The following SLIT1 variants were observed in gnomAD, a reference collection of about 807,000 sequenced individuals.
The protein encoded by SLIT1 is slit homolog 1 protein.
In SLIT1, 66 loss-of-function variants were observed where a neutral mutation model predicts 186.1. The observed-to-expected ratio is 0.35, with a 90% confidence interval of 0.29 to 0.44. The LOEUF is 0.44. SLIT1 is among the 20% of genes least tolerant of loss of function. The pLI is 1.00. For synonymous variants in SLIT1, 761 were observed against 833.8 expected (o/e 0.91, Z 1.50); for missense variants, 1,638 against 2,037.4 (o/e 0.80, Z 3.77).
Position 97,001,233 on chromosome 10 carries a change from T to G in SLIT1, c.4484A>C (p.Gln1495Pro). Reference sequence around the variant, plus strand: ...CAGCCGAAGGCCCTGGCAGCAGCCCTGGCCTGGGCACGAGCCCCGGCACTC... The same window carrying G: ...CAGCCGAAGGCCCTGGCAGCAGCCCGGGCCTGGGCACGAGCCCCGGCACTC... ...WVECRGSCPG[Q>P]GCCQGLRLKR... The change falls in exon 37 of 37, where the codon CAG (glutamine) becomes CCG (proline). Residue 1495 changes from glutamine to proline, a missense_variant. Transcript: ENST00000266058. 6.2e-7 allele frequency: 1 copy of G among 1,613,132 alleles called. No homozygotes were observed. Among genetic ancestry groups the G allele is most frequent in the Non-Finnish European group, 8.5e-7 (1 of 1,179,914 alleles).
chr10:97,055,963 A>T (rs1848832433), intron 13 of SLIT1, among the ~76,000 whole-genome samples: 1 of 152,226 alleles, frequency 6.6e-6, no homozygotes, highest in Non-Finnish European at 1.5e-5. Context: ...TATCATCATC[A>T]TCACCATCAA....
intron 4 of SLIT1, among the ~76,000 whole-genome samples, chr10:97,084,110 G>T (rs1166750087): frequency 6.6e-6 from 1 of 152,230 alleles, no homozygotes; most frequent in Non-Finnish European, 1.5e-5. Context: ...AATTCTGGGG[G>T]AGACAGGCAG....
chr10:97,139,570 T>C (rs915625977), intron 4 of SLIT1, among the ~76,000 whole-genome samples: 2 of 152,178 alleles, frequency 1.3e-5, no homozygotes, highest in African/African-American at 4.8e-5. Context: ...AAGCACACTA[T>C]CCTGAACTCT....
chr10:97,007,374 A>C (rs1264540581), intron 31 of SLIT1, among the ~76,000 whole-genome samples: 1 of 152,230 alleles, frequency 6.6e-6, no homozygotes, highest in Non-Finnish European at 1.5e-5. Flanking sequence ...AAAAACAATA[A>C]ATACCAATTC....
intron 4 of SLIT1, among the ~76,000 whole-genome samples, chr10:97,132,661 C>A (rs1411123471): frequency 6.6e-6 from 1 of 152,150 alleles, no homozygotes; most frequent in Non-Finnish European, 1.5e-5. Flanking sequence ...GGTCAGCCAC[C>A]CCCATTTTTC....
At chr10:97,108,681 A>G (rs1849436435) in intron 4 of SLIT1, among the ~76,000 whole-genome samples, 1 of 152,180 alleles carries the variant, frequency 6.6e-6, no homozygotes. Flanking sequence ...CAAGGTCAGC[A>G]GATCAAGACC....
In SLIT1 at chr10:97,184,691, T is replaced by A. The variant is rs1015291055; in HGVS notation, c.197+787A>T. Among the ~76,000 whole-genome samples, 7 of 152,282 alleles carry A rather than the reference T, an allele frequency of 4.6e-5. No homozygotes were observed. The East Asian group carries it at 1.4e-3, about 29-fold the overall frequency. On this transcript the variant is annotated intron_variant, in intron 1 of 36. Coordinates refer to ENST00000266058, the MANE Select transcript of SLIT1 (RefSeq NM_003061.3). The surrounding 1 kb of genome is among the most constrained non-coding windows in gnomAD (Gnocchi z 4.4). Reference sequence around the variant, plus strand: ...ACAGAACAGGGGAAGAGAAATGCTATTTTTTTATTACTTGTCATGGTCAAT... The same window carrying A: ...ACAGAACAGGGGAAGAGAAATGCTAATTTTTTATTACTTGTCATGGTCAAT...
rs1848318582 is a variant in SLIT1 at position 97,002,348 on chromosome 10, C to T, written c.4176G>A (p.Val1392=). The part of the protein sequence containing the change: ...HGHKCVHGQC[V]PLDALSYSCQ... ...AGCTGTAGGAAAGAGCGTCGAGGGG[C>T]ACGCATTGCCCATGGACACACCTGG... Residue 1392 remains valine, a synonymous_variant, in exon 36 of 37, where the codon GTG becomes GTA. Coordinates refer to ENST00000266058, the MANE Select transcript of SLIT1 (RefSeq NM_003061.3). The T allele has an allele frequency of 1.9e-6, 3 of 1,607,788 alleles. No homozygotes were observed. The highest frequency in any genetic ancestry group is 2.5e-6 in the Non-Finnish European group (3 of 1,178,472).
rs893153649 is a variant in SLIT1, at chr10:97,178,775, AAGAG to A, written c.197+6699_197+6702del. 3.6e-5 allele frequency among the ~76,000 whole-genome samples: 4 copies of A among 112,050 alleles called. No individual in the cohort carries two copies. The Admixed American group carries it at 4.1e-4, about 11-fold the overall frequency. The allele number at this position is 112,050 out of a possible 152,430, so 73.5% of individuals were successfully genotyped here. On this transcript the variant is annotated intron_variant, in intron 1 of 36. Coordinates refer to ENST00000266058, the MANE Select transcript of SLIT1 (RefSeq NM_003061.3). ...ACCTATGAGTGTGTGCGATAGAGAGAAGAGAGAGAGAGAAAGTGTGTGTGTGTGT... is the reference window on the plus strand; with the variant it reads ...ACCTATGAGTGTGTGCGATAGAGAGAAGAGAGAGAAAGTGTGTGTGTGTGT...
intron 13 of SLIT1, among the ~76,000 whole-genome samples, chr10:97,054,849 A>G (rs1294963372): frequency 6.6e-6 from 1 of 152,260 alleles, no homozygotes; most frequent in East Asian, 1.9e-4. Context: ...TAAGAGGTAC[A>G]TCAACCAACA....
chr10:97,032,784 G>T (rs1303397613), intron 23 of SLIT1, among the ~76,000 whole-genome samples: 1 of 152,134 alleles, frequency 6.6e-6, no homozygotes, highest in Non-Finnish European at 1.5e-5. Flanking sequence ...GCAAACTGTG[G>T]CACATCCATG....
intron 4 of SLIT1, among the ~76,000 whole-genome samples, chr10:97,120,815 C>T (rs1157560260): frequency 1.3e-5 from 2 of 152,154 alleles, no homozygotes; most frequent in Non-Finnish European, 2.9e-5. Flanking sequence ...CCCCTATCAC[C>T]CACTGGACTC....
chr10:97,028,454 A>G (rs1848565424), intron 25 of SLIT1, among the ~76,000 whole-genome samples: 1 of 152,104 alleles, frequency 6.6e-6, no homozygotes, highest in Non-Finnish European at 1.5e-5. Flanking sequence ...CCCACCCCAC[A>G]TTCCTGCCCC....
intron 4 of SLIT1, among the ~76,000 whole-genome samples, chr10:97,106,415 TG>T (rs1564677510): frequency 7.3e-6 from 1 of 137,558 alleles, no homozygotes; most frequent in African/African-American, 2.6e-5. Flanking sequence ...AACGAATGAA[TG>T]AATGAATGAA....
chr10:97,006,064 C>A lies in SLIT1; in HGVS notation c.3579+419G>T, dbSNP rs1428615027. Among the ~76,000 whole-genome samples, 3 of 152,054 alleles carry A rather than the reference C, an allele frequency of 2.0e-5. No homozygotes were observed. The highest frequency in any genetic ancestry group is 4.4e-5 in the Non-Finnish European group (3 of 68,010). ...AGATGTTCTGAGATGGAACTGAAGG[C>A]ATGAAAAGGATGAGTTAAGGGACCC... On this transcript the variant is annotated intron_variant, in intron 32 of 36. Transcript: ENST00000266058. This position sits in a 1 kb window ranked among gnomAD's most constrained non-coding sequence, Gnocchi z 4.0.
intron 4 of SLIT1, among the ~76,000 whole-genome samples, chr10:97,072,531 G>A (rs12242601): frequency 1.3e-5 from 2 of 152,070 alleles, no homozygotes; most frequent in African/African-American, 4.8e-5. Flanking sequence ...CCCCAGGCAG[G>A]CAGGCAGCAG....
At position 97,047,853 on chromosome 10, in the gene SLIT1, G is replaced by A. The variant is rs750150346; in HGVS notation, c.1490-19C>T. On this transcript the variant is annotated intron_variant, in intron 15 of 36. Transcript: ENST00000266058. The stretch of plus-strand genomic sequence containing the variant: ...TCCGTGCCTGCCATGAGAGGGTGGG[G>A]GCAGAGGCTGAGGAGCCCGGGGCCG... The A allele has an allele frequency of 9.3e-6, 15 of 1,613,486 alleles. No homozygotes were observed. In the South Asian group the frequency reaches 1.3e-4, roughly 14 times the overall value.
chr10:97,007,437 CTA>C (rs1848368987), intron 31 of SLIT1, among the ~76,000 whole-genome samples: 1 of 152,120 alleles, frequency 6.6e-6, no homozygotes, highest in African/African-American at 2.4e-5. Flanking sequence ...CTAACTCATT[CTA>C]TGAGACCAGC....
At chr10:97,046,548 A>G (rs1848735043) in intron 18 of SLIT1, 106 bp downstream of exon 18, 2 of 1,183,874 alleles carry the variant, frequency 1.7e-6, no homozygotes, top group African/African-American at 1.5e-5. Flanking sequence ...ACCCTCCTGC[A>G]AGCTGGGCCC....
Sources: gnomAD v4.1 joint callset for allele counts (sites outside exome capture counted in the v4.1 genomes callset) on GRCh38, gnomAD v4.1.1 for gene constraint, Gnocchi (gnomAD v3.1) non-coding constraint, MANE v1.5 for transcripts, NCBI Gene and HGNC (gene_info 2026-07-23, HGNC 2026-07-21) for gene names.